Variants in LRP1B observed in about 807,000 individuals in gnomAD.
LRP1B encodes LDL receptor related protein 1B.
A neutral mutation model predicts 556.6 loss-of-function variants in LRP1B; 217 were observed. That is an observed-to-expected ratio of 0.39 (90% CI 0.35 to 0.44). LRP1B has a LOEUF of 0.44. Ranked by LOEUF, LRP1B falls within the 20% of genes least tolerant of loss-of-function variation. The pLI is 1.00. For missense variants in LRP1B, 5,053 were observed against 5,620.8 expected, an observed-to-expected ratio of 0.90 and a Z score of 3.23; for synonymous variants, 2,047 against 1,865.8, an observed-to-expected ratio of 1.10 and a Z score of -2.50.
chr2:141,648,918 A>G (rs765181789), intron 2 of LRP1B, among the ~76,000 whole-genome samples: 8 of 152,244 alleles, frequency 5.3e-5, no homozygotes, highest in African/African-American at 1.9e-4. Flanking sequence ...ACTCTACACA[A>G]TTCTGCTTAT....
intron 2 of LRP1B, among the ~76,000 whole-genome samples, chr2:141,699,770 ATG>A (rs1691869162): frequency 6.6e-6 from 1 of 150,748 alleles, no homozygotes; most frequent in Admixed American, 6.7e-5. Flanking sequence ...TTGTACAAGC[ATG>A]TGAATATTTG....
chr2:141,840,323 G>T (rs547553411), intron 1 of LRP1B, among the ~76,000 whole-genome samples: 5 of 144,208 alleles, frequency 3.5e-5, no homozygotes, highest in East Asian at 2.0e-4. Flanking sequence ...GAGTGCAGTG[G>T]CGCCATCTCG....
intron 2 of LRP1B, among the ~76,000 whole-genome samples, chr2:141,735,501 A>G (rs890548624): frequency 7.6e-4 from 7 of 9,194 alleles, no homozygotes; most frequent in Admixed American, 3.8e-3. Flanking sequence ...AGCAGCAAAC[A>G]TGTTTTTTTT....
At chr2:141,041,243 ACT>A (rs1339482662) in intron 11 of LRP1B, among the ~76,000 whole-genome samples, 1 of 152,096 alleles carries the variant, frequency 6.6e-6, no homozygotes, top group African/African-American at 2.4e-5. Flanking sequence ...AGGAGCACAG[ACT>A]CTGCCAGTTT....
chr2:141,203,985 A>C lies in LRP1B; in HGVS notation c.851-15402T>G, dbSNP rs547799793. ...ATAAAGATATTCTTTGAAACCAATG[A>C]GAATGAATACACAATGTACCAGAAT... On this transcript the variant is annotated intron_variant, in intron 6 of 90. Transcript: ENST00000389484. 2.3e-4 allele frequency among the ~76,000 whole-genome samples: 35 copies of C among 152,354 alleles called. 1 individual carries two copies. In the East Asian group the frequency reaches 6.6e-3, roughly 29 times the overall value.
At chr2:141,954,506 C>A (rs1271271526) in intron 1 of LRP1B, among the ~76,000 whole-genome samples, 3 of 152,040 alleles carry the variant, frequency 2.0e-5, no homozygotes, top group Non-Finnish European at 4.4e-5. Flanking sequence ...TACTTAATAA[C>A]CCCAATGCTC....
intron 1 of LRP1B, among the ~76,000 whole-genome samples, chr2:142,008,931 A>G (rs1034521826): frequency 1.1e-3 from 161 of 152,252 alleles, no homozygotes; most frequent in African/African-American, 3.4e-3. Context: ...CTTGCTCTTC[A>G]TCACAGTTCA....
At chr2:142,058,995 A>T (rs964629186) in intron 1 of LRP1B, among the ~76,000 whole-genome samples, 2 of 152,126 alleles carry the variant, frequency 1.3e-5, no homozygotes, top group Non-Finnish European at 2.9e-5. Context: ...CATAAGCATT[A>T]TTTACATGTA....
chr2:141,856,078 T>C (rs1273623402), intron 1 of LRP1B, among the ~76,000 whole-genome samples: 3 of 152,184 alleles, frequency 2.0e-5, no homozygotes, highest in Non-Finnish European at 4.4e-5. Flanking sequence ...AATTTGTTTA[T>C]ACTATGTAGA....
chr2:140,847,444 G>T (rs1692305428), intron 29 of LRP1B, among the ~76,000 whole-genome samples: 1 of 152,112 alleles, frequency 6.6e-6, no homozygotes, highest in Non-Finnish European at 1.5e-5. Context: ...CATTCAGTCT[G>T]TCTTGGCTCT....
At chr2:140,962,595 G>C (rs868121094) in intron 18 of LRP1B, among the ~76,000 whole-genome samples, 2 of 152,102 alleles carry the variant, frequency 1.3e-5, no homozygotes, top group Non-Finnish European at 2.9e-5. Flanking sequence ...GTTACACCAC[G>C]ACTGCCTTCC....
In LRP1B at chr2:142,004,796, G is replaced by A. The variant is rs370569303; in HGVS notation, c.82+125852C>T. Among the ~76,000 whole-genome samples the A allele has an allele frequency of 1.1e-4, 16 of 151,920 alleles. 1 individual carries two copies. In the East Asian group the frequency reaches 2.7e-3, roughly 26 times the overall value. ...GGGAAGAGAAGGTGAAGGCTGTAGT[G>A]AGCCATGATCGTGCCACTGCACTCC... On this transcript the variant is annotated intron_variant, in intron 1 of 90. Coordinates refer to ENST00000389484, the MANE Select transcript of LRP1B (RefSeq NM_018557.3).
intron 3 of LRP1B, among the ~76,000 whole-genome samples, chr2:141,307,591 A>G (rs910702733): frequency 2.6e-5 from 4 of 151,872 alleles, no homozygotes; most frequent in Admixed American, 2.0e-4. Context: ...TTTTCAGTGG[A>G]AAGTTTAACC....
chr2:141,618,207 A>G (rs556691778), intron 2 of LRP1B, among the ~76,000 whole-genome samples: 1 of 152,008 alleles, frequency 6.6e-6, no homozygotes, highest in African/African-American at 2.4e-5. Flanking sequence ...CTCGCTAGTA[A>G]TTTATGGTCA....
intron 6 of LRP1B, among the ~76,000 whole-genome samples, chr2:141,197,893 A>G (rs549812152): frequency 6.6e-6 from 1 of 152,252 alleles, no homozygotes; most frequent in South Asian, 2.1e-4. Flanking sequence ...ACATCACAGA[A>G]AATCAGAAAA....
At chr2:141,450,930 C>A (rs946625901) in intron 3 of LRP1B, among the ~76,000 whole-genome samples, 7 of 152,136 alleles carry the variant, frequency 4.6e-5, no homozygotes, top group Admixed American at 3.9e-4. Flanking sequence ...TCATATCCAA[C>A]AAAACATGCT....
chr2:141,304,926 T>G (rs2105437335), intron 3 of LRP1B, among the ~76,000 whole-genome samples: 1 of 152,328 alleles, frequency 6.6e-6, no homozygotes, highest in East Asian at 1.9e-4. Context: ...TACATTAATT[T>G]ATTTCTGGGT....
intron 3 of LRP1B, among the ~76,000 whole-genome samples, chr2:141,383,518 TTTATGATGTGA>T (rs1172333904): frequency 1.3e-5 from 2 of 152,194 alleles, no homozygotes; most frequent in African/African-American, 4.8e-5. Flanking sequence ...TGCTCCTCAA[TTTATGATGTGA>T]TTATGTCCTG....
intron 14 of LRP1B, among the ~76,000 whole-genome samples, chr2:141,013,041 C>T (rs1021041537): frequency 2.0e-5 from 3 of 151,774 alleles, no homozygotes; most frequent in Admixed American, 2.0e-4. Context: ...TTTAAGAAGA[C>T]ATGAATATTG....
Sources: gnomAD v4.1 joint callset for allele counts (sites outside exome capture counted in the v4.1 genomes callset) on GRCh38, gnomAD v4.1.1 for gene constraint, MANE v1.5 for transcripts, NCBI Gene and HGNC (gene_info 2026-07-23, HGNC 2026-07-21) for gene names.